PTPRD: variants seen among roughly 807,000 people sequenced by gnomAD.
The protein encoded by PTPRD is receptor-type tyrosine-protein phosphatase delta.
A neutral mutation model predicts 214.5 loss-of-function variants in PTPRD; 34 were observed. The observed-to-expected ratio is 0.16, with a 90% CI of 0.12 to 0.21. The LOEUF (loss-of-function observed/expected upper bound fraction) is 0.21, where lower values mean the gene tolerates loss of function less well. PTPRD is among the 10% of genes least tolerant of loss of function. PTPRD has a pLI of 1.00. For missense variants in PTPRD, 2,545 were observed against 2,398.7 expected (o/e 1.06, Z -1.27); for synonymous variants, 1,128 against 845.7 (o/e 1.33, Z -5.79).
intron 5 of PTPRD, among the ~76,000 whole-genome samples, chr9:9,915,077 A>G (rs1235298071): frequency 6.6e-6 from 1 of 152,088 alleles, no homozygotes; most frequent in Non-Finnish European, 1.5e-5. Flanking sequence ...TATCACCACA[A>G]ACTCTCTTAG....
intron 11 of PTPRD, among the ~76,000 whole-genome samples, chr9:8,752,770 G>T (rs868136866): frequency 1.2e-4 from 18 of 152,038 alleles, no homozygotes; most frequent in African/African-American, 4.3e-4. Flanking sequence ...AGACTCAAGA[G>T]TAAGTCCAAT....
intron 3 of PTPRD, among the ~76,000 whole-genome samples, chr9:10,124,428 C>T (rs961264333): frequency 1.3e-5 from 2 of 152,114 alleles, no homozygotes; most frequent in African/African-American, 2.4e-5. Context: ...ACACACCATG[C>T]GTATTCACCC....
chr9:10,234,881 T>G (rs1282009201), intron 3 of PTPRD, among the ~76,000 whole-genome samples: 1 of 151,884 alleles, frequency 6.6e-6, no homozygotes, highest in Non-Finnish European at 1.5e-5. Context: ...TCTGCAATTC[T>G]TCTTATATAT....
chr9:10,599,361 T>G (rs2077424302), intron 2 of PTPRD, among the ~76,000 whole-genome samples: 1 of 151,822 alleles, frequency 6.6e-6, no homozygotes. Context: ...TTGGGAAGTC[T>G]TATGGTTACA....
chr9:8,921,609 T>A (rs1357990622), intron 11 of PTPRD, among the ~76,000 whole-genome samples: 1 of 152,076 alleles, frequency 6.6e-6, no homozygotes, highest in Non-Finnish European at 1.5e-5. Context: ...TTCTCCCAAC[T>A]TAACCTCCTG....
intron 14 of PTPRD, among the ~76,000 whole-genome samples, chr9:8,562,339 C>T (rs1001242339): frequency 2.6e-5 from 4 of 152,038 alleles, no homozygotes; most frequent in African/African-American, 9.7e-5. Flanking sequence ...ATTATATTGT[C>T]ACCTTTCTAA....
At chr9:9,951,513 C>T (rs2093450818) in intron 4 of PTPRD, among the ~76,000 whole-genome samples, 1 of 152,162 alleles carries the variant, frequency 6.6e-6, no homozygotes, top group Non-Finnish European at 1.5e-5. Context: ...ATTTTGAACC[C>T]CTAAATTCTT....
intron 5 of PTPRD, among the ~76,000 whole-genome samples, chr9:9,840,492 C>T (rs527739757): frequency 1.9e-4 from 29 of 151,836 alleles, no homozygotes; most frequent in African/African-American, 7.0e-4. Context: ...TAATGGCATG[C>T]CTGAGTTTAT....
intron 11 of PTPRD, among the ~76,000 whole-genome samples, chr9:8,949,344 A>G (rs1364794623): frequency 6.6e-6 from 1 of 152,142 alleles, no homozygotes; most frequent in African/African-American, 2.4e-5. Flanking sequence ...TATTATTTTT[A>G]AAGACAACAT....
intron 8 of PTPRD, among the ~76,000 whole-genome samples, chr9:9,405,041 T>C (rs899350824): frequency 6.6e-6 from 1 of 152,064 alleles, no homozygotes; most frequent in African/African-American, 2.4e-5. Flanking sequence ...GGCACCCTAA[T>C]GATTTGTCAA....
chr9:9,447,963 A>G (rs1449592519), intron 8 of PTPRD, among the ~76,000 whole-genome samples: 1 of 152,030 alleles, frequency 6.6e-6, no homozygotes, highest in Admixed American at 6.6e-5. Context: ...AGTCTTACAG[A>G]CTGCACTAGC....
intron 2 of PTPRD, among the ~76,000 whole-genome samples, chr9:10,415,324 A>G (rs1036438646): frequency 1.3e-5 from 2 of 151,854 alleles, no homozygotes; most frequent in Non-Finnish European, 2.9e-5. Context: ...ACACATATAT[A>G]TGTACAAACA....
intron 5 of PTPRD, among the ~76,000 whole-genome samples, chr9:9,840,618 C>G (rs2153634504): frequency 6.6e-6 from 1 of 151,696 alleles, no homozygotes; most frequent in South Asian, 2.1e-4. Context: ...AGGGAATTAG[C>G]TGGGCGTGGT....
intron 2 of PTPRD, among the ~76,000 whole-genome samples, chr9:10,577,808 G>A (rs2069996591): frequency 6.6e-6 from 1 of 151,904 alleles, no homozygotes; most frequent in African/African-American, 2.4e-5. Flanking sequence ...ATTTTTGAAG[G>A]CCTTCAAATT....
At chr9:8,426,198 C>T (rs2094658016) in intron 35 of PTPRD, among the ~76,000 whole-genome samples, 1 of 152,160 alleles carries the variant, frequency 6.6e-6, no homozygotes, top group Non-Finnish European at 1.5e-5. Flanking sequence ...ATATATTCAT[C>T]TTCATAACAG....
At chr9:10,181,724 G>C (rs1564367377) in intron 3 of PTPRD, among the ~76,000 whole-genome samples, 1 of 151,016 alleles carries the variant, frequency 6.6e-6, no homozygotes, top group Non-Finnish European at 1.5e-5. Flanking sequence ...TCTATGGCAA[G>C]GTGAACTGTT....
intron 10 of PTPRD, among the ~76,000 whole-genome samples, chr9:9,131,416 G>A (rs574249954): frequency 6.6e-6 from 1 of 152,262 alleles, no homozygotes; most frequent in East Asian, 1.9e-4. Context: ...TAACAGATAT[G>A]TCAGAAATAT....
chr9:8,441,820 A>C (rs1035150041), intron 34 of PTPRD, among the ~76,000 whole-genome samples: 19 of 152,200 alleles, frequency 1.2e-4, no homozygotes, highest in African/African-American at 4.6e-4. Flanking sequence ...CATCATTATC[A>C]GCAGAACTGT....
chr9:8,530,131 G>A (rs1199998302), intron 14 of PTPRD, among the ~76,000 whole-genome samples: 1 of 151,982 alleles, frequency 6.6e-6, no homozygotes, highest in African/African-American at 2.4e-5. Flanking sequence ...ATCATACTGA[G>A]GTTATGTTAG....
Sources: gnomAD v4.1 joint callset for allele counts (sites outside exome capture counted in the v4.1 genomes callset) on GRCh38, gnomAD v4.1.1 for gene constraint, MANE v1.5 for transcripts, NCBI Gene and HGNC (gene_info 2026-07-23, HGNC 2026-07-21) for gene names.